The following GRIK2 variants were observed in gnomAD, a reference collection of about 807,000 sequenced individuals.
GRIK2 encodes the protein glutamate ionotropic receptor kainate type subunit 2, also known as glutamate receptor ionotropic, kainate 2.
GRIK2 carries 32 observed loss-of-function variants against 100.3 expected under a neutral mutation model. The ratio of observed to expected loss-of-function variants is 0.32; its 90% CI spans 0.24 to 0.43. The LOEUF (loss-of-function observed/expected upper bound fraction) is 0.43, where lower values mean the gene tolerates loss of function less well. GRIK2 is among the 20% of genes least tolerant of loss of function. The pLI is 1.00. For synonymous variants in GRIK2, 417 were observed against 389.4 expected (o/e 1.07, Z -0.83); for missense variants, 843 against 1,114.9 (o/e 0.76, Z 3.47).
chr6:101,824,640 A>G (rs1782197575), intron 10 of GRIK2, among the ~76,000 whole-genome samples: 1 of 152,192 alleles, frequency 6.6e-6, no homozygotes, highest in Admixed American at 6.6e-5. Flanking sequence ...ACTTTAGCAT[A>G]CAAATGACTA....
intron 2 of GRIK2, among the ~76,000 whole-genome samples, chr6:101,472,590 A>C (rs1040755406): frequency 3.0e-4 from 46 of 151,972 alleles, no homozygotes; most frequent in African/African-American, 1.1e-3. Flanking sequence ...CATACAGCCT[A>C]CATACTATTC....
intron 7 of GRIK2, among the ~76,000 whole-genome samples, chr6:101,751,701 G>T (rs2128384835): frequency 6.6e-6 from 1 of 152,254 alleles, no homozygotes; most frequent in South Asian, 2.1e-4. Flanking sequence ...TTTGCTGATT[G>T]CAACCCCATG....
At chr6:101,564,752 A>G (rs1395823111) in intron 2 of GRIK2, among the ~76,000 whole-genome samples, 1 of 152,116 alleles carries the variant, frequency 6.6e-6, no homozygotes, top group Non-Finnish European at 1.5e-5. Flanking sequence ...CCTTCAGCAT[A>G]TGATCTGGTA....
chr6:101,909,378 T>TTTTTTTG (rs774868812), intron 12 of GRIK2, among the ~76,000 whole-genome samples: 28,896 of 119,818 alleles, frequency 0.24, 4,189 homozygotes, highest in East Asian at 0.46. Flanking sequence ...AGGGTTTTCT[T>TTTTTTTG]TTTCTTTTTT....
chr6:101,487,256 T>A (rs914493395), intron 2 of GRIK2, among the ~76,000 whole-genome samples: 2 of 146,644 alleles, frequency 1.4e-5, no homozygotes, highest in African/African-American at 5.2e-5. Context: ...CTATTTTTCT[T>A]ATGAACCATG....
chr6:101,830,291 A>G (rs1207595096), intron 10 of GRIK2, among the ~76,000 whole-genome samples: 1 of 152,022 alleles, frequency 6.6e-6, no homozygotes, highest in African/African-American at 2.4e-5. Flanking sequence ...ATATCAAGGA[A>G]ATTAAATCTA....
chr6:101,941,140 C>T (rs1314734814), intron 14 of GRIK2, among the ~76,000 whole-genome samples: 1 of 151,988 alleles, frequency 6.6e-6, no homozygotes, highest in African/African-American at 2.4e-5. Flanking sequence ...ACAATTATAA[C>T]TATCTAAACC....
intron 2 of GRIK2, among the ~76,000 whole-genome samples, chr6:101,447,244 G>A (rs1412418044): frequency 6.6e-6 from 1 of 151,370 alleles, no homozygotes; most frequent in Admixed American, 6.6e-5. Context: ...AGGTACCTAA[G>A]GTTTATAAAT....
intron 2 of GRIK2, among the ~76,000 whole-genome samples, chr6:101,489,084 A>C (rs1300381379): frequency 6.8e-6 from 1 of 146,384 alleles, no homozygotes; most frequent in African/African-American, 2.6e-5. Flanking sequence ...CACCAGATTT[A>C]ATTTTTTAAT....
rs150201277 is a variant in GRIK2 at position 101,872,129 on chromosome 6, C to T, written c.1524+12636C>T. 1.7e-3 allele frequency among the ~76,000 whole-genome samples: 258 copies of T among 151,972 alleles called. 1 individual carries two copies. The highest frequency in any genetic ancestry group is 6.0e-3 in the African/African-American group (250 of 41,496). ...TGGTTTTCATAATAATTGTATACTT[C>T]ACATTGCAATCACCCAGGAATATAA... On this transcript the variant is annotated intron_variant, in intron 11 of 16. Coordinates refer to ENST00000369134, the MANE Select transcript of GRIK2 (RefSeq NM_021956.5).
chr6:101,411,212 C>T (rs1775870468), intron 2 of GRIK2, among the ~76,000 whole-genome samples: 1 of 152,044 alleles, frequency 6.6e-6, no homozygotes, highest in Admixed American at 6.6e-5. Context: ...TTCTTTTGCT[C>T]TTCCATGTAT....
At chr6:101,649,087 G>A (rs1224468750) in intron 4 of GRIK2, among the ~76,000 whole-genome samples, 2 of 152,030 alleles carry the variant, frequency 1.3e-5, no homozygotes, top group Non-Finnish European at 2.9e-5. Flanking sequence ...GAGAATATGG[G>A]TGGGGACACA....
intron 11 of GRIK2, among the ~76,000 whole-genome samples, chr6:101,861,805 A>G (rs7765399): frequency 0.076 from 11,523 of 152,202 alleles, 1,144 homozygotes; most frequent in African/African-American, 0.23. Flanking sequence ...TTTGATGAAA[A>G]TCACTGATAA....
At chr6:101,520,216 A>C (rs921125173) in intron 2 of GRIK2, among the ~76,000 whole-genome samples, 1 of 152,068 alleles carries the variant, frequency 6.6e-6, no homozygotes, top group South Asian at 2.1e-4. Flanking sequence ...ACAAAATTCT[A>C]AAGGATTTTT....
intron 12 of GRIK2, among the ~76,000 whole-genome samples, chr6:101,912,943 A>G (rs758119059): frequency 4.0e-5 from 6 of 151,542 alleles, no homozygotes; most frequent in Non-Finnish European, 7.4e-5. Flanking sequence ...AATCATTCTG[A>G]TATTTTGTTT....
At chr6:101,415,264 AT>A (rs758357641) in intron 2 of GRIK2, among the ~76,000 whole-genome samples, 7 of 149,462 alleles carry the variant, frequency 4.7e-5, no homozygotes, top group Non-Finnish European at 1.0e-4. Flanking sequence ...CATAAGTAAT[AT>A]TTTATATTTA....
At chr6:101,749,882 G>A (rs932299062) in intron 7 of GRIK2, among the ~76,000 whole-genome samples, 92 of 139,432 alleles carry the variant, frequency 6.6e-4, no homozygotes, top group African/African-American at 2.4e-3. Context: ...GCTCAATCTC[G>A]GCTCACCTCA....
At chr6:101,421,757 T>C (rs1310571595) in intron 2 of GRIK2, among the ~76,000 whole-genome samples, 3 of 152,162 alleles carry the variant, frequency 2.0e-5, no homozygotes, top group Non-Finnish European at 4.4e-5. Context: ...TTCCACCAAG[T>C]TTCCAAAGAA....
intron 2 of GRIK2, among the ~76,000 whole-genome samples, chr6:101,586,504 G>GACCC (rs1221051960): frequency 2.0e-5 from 3 of 151,916 alleles, no homozygotes; most frequent in Non-Finnish European, 2.9e-5. Context: ...TGGAAGTAGA[G>GACCC]ACCCATAGGG....
Sources: allele counts gnomAD v4.1 joint callset (sites outside exome capture counted in the v4.1 genomes callset), GRCh38; gene constraint gnomAD v4.1.1; transcripts MANE v1.5; gene names NCBI Gene and HGNC (gene_info 2026-07-23, HGNC 2026-07-21).